MRTFA: variants seen among roughly 807,000 people sequenced by gnomAD.
The protein encoded by MRTFA is myocardin-related transcription factor A.
Under a neutral mutation model 83.5 loss-of-function variants are expected in MRTFA, and 20 were observed. That is an observed-to-expected ratio of 0.24 (90% confidence interval 0.17 to 0.35). MRTFA has a LOEUF of 0.35. Among genes scored for constraint, MRTFA ranks in the 10% least tolerant of loss-of-function variants. The pLI is 1.00. For synonymous variants in MRTFA, 659 were observed against 541.2 expected (o/e 1.22, Z -3.02); for missense variants, 1,200 against 1,224.7 (o/e 0.98, Z 0.30).
At chr22:40,457,121 T>G (rs2053597842) in intron 4 of MRTFA, among the ~76,000 whole-genome samples, 2 of 152,108 alleles carry the variant, frequency 1.3e-5, no homozygotes. Context: ...TCCCAGCACT[T>G]TGGGAGGCTG....
At position 40,416,541 on chromosome 22, in the gene MRTFA, T is replaced by C. The variant is rs1305895231; in HGVS notation, c.2578+445A>G. 2.0e-5 allele frequency among the ~76,000 whole-genome samples: 3 copies of C among 152,108 alleles called. No homozygotes were observed. Among genetic ancestry groups the C allele is most frequent in the African/African-American group, 7.2e-5 (3 of 41,406 alleles). The stretch of plus-strand genomic sequence containing the variant: ...CTCAACTCCACTCCAACCCGCCAGG[T>C]ACTCCCGAGGCCGCACAGATGCACA... On this transcript the variant is annotated intron_variant, in intron 14 of 14. Transcript: ENST00000355630. The surrounding 1 kb of genome is among the most constrained non-coding windows in gnomAD (Gnocchi z 4.2).
intron 3 of MRTFA, among the ~76,000 whole-genome samples, chr22:40,466,526 A>G (rs961171773): frequency 1.3e-5 from 2 of 152,234 alleles, no homozygotes; most frequent in Non-Finnish European, 2.9e-5. Flanking sequence ...AGGAGAGCCA[A>G]GCAGGATAAA....
chr22:40,619,889 C>CA (rs1213944103), intron 1 of MRTFA, among the ~76,000 whole-genome samples: 844 of 51,992 alleles, frequency 0.016, 6 homozygotes, highest in Non-Finnish European at 0.022. Context: ...AACTCCGTCT[C>CA]AAAAAAAAAA....
chr22:40,453,028 G>GA (rs2053523886), intron 4 of MRTFA, among the ~76,000 whole-genome samples: 1 of 152,152 alleles, frequency 6.6e-6, no homozygotes, highest in African/African-American at 2.4e-5. Context: ...AACAGCAGAA[G>GA]CGAGACAAGG....
At chr22:40,422,309 T>C (rs1354807966) in intron 9 of MRTFA, among the ~76,000 whole-genome samples, 1 of 152,106 alleles carries the variant, frequency 6.6e-6, no homozygotes, top group African/African-American at 2.4e-5. Context: ...CCCCTGAAGA[T>C]AATGTTTCAG....
At chr22:40,536,266 A>C (rs1203156194) in intron 3 of MRTFA, among the ~76,000 whole-genome samples, 1 of 152,092 alleles carries the variant, frequency 6.6e-6, no homozygotes, top group Non-Finnish European at 1.5e-5. Context: ...TCACCCCACT[A>C]AACTCCAGCC....
chr22:40,573,252 T>C (rs1042882937), intron 2 of MRTFA, among the ~76,000 whole-genome samples: 3 of 152,164 alleles, frequency 2.0e-5, no homozygotes, highest in Non-Finnish European at 4.4e-5. Context: ...TTGGTCTTTT[T>C]TTTGTTTTGC....
At chr22:40,601,001 A>C (rs1317134799) in intron 1 of MRTFA, among the ~76,000 whole-genome samples, 2 of 152,134 alleles carry the variant, frequency 1.3e-5, no homozygotes, top group East Asian at 3.9e-4. Flanking sequence ...AACAAAACAA[A>C]AAAACTACAA....
chr22:40,477,654 A>G (rs1167730715), intron 3 of MRTFA, among the ~76,000 whole-genome samples: 2 of 152,096 alleles, frequency 1.3e-5, no homozygotes, highest in Non-Finnish European at 2.9e-5. Context: ...TAAAAACTGT[A>G]AGTAATCTGG....
At chr22:40,627,101 C>T (rs1381549144) in intron 1 of MRTFA, among the ~76,000 whole-genome samples, 1 of 145,236 alleles carries the variant, frequency 6.9e-6, no homozygotes, top group African/African-American at 2.5e-5. Flanking sequence ...GAAACACTGA[C>T]AAAAAAAAAA....
intron 4 of MRTFA, among the ~76,000 whole-genome samples, chr22:40,447,516 A>G (rs562511049): frequency 4.6e-5 from 7 of 152,180 alleles, no homozygotes; most frequent in Non-Finnish European, 8.8e-5. Flanking sequence ...CCAGGGTGGC[A>G]GAAAACAAGA....
In MRTFA at chr22:40,416,535, G is replaced by A. The variant is rs1444039889; in HGVS notation, c.2578+451C>T. ...CCTTTCCTCAACTCCACTCCAACCC[G>A]CCAGGTACTCCCGAGGCCGCACAGA... On this transcript the variant is annotated intron_variant, in intron 14 of 14. Coordinates refer to ENST00000355630, the MANE Select transcript of MRTFA (RefSeq NM_020831.6). The surrounding 1 kb of genome is among the most constrained non-coding windows in gnomAD (Gnocchi z 4.2). Among the ~76,000 whole-genome samples the A allele has an allele frequency of 1.3e-5, 2 of 152,124 alleles. No individual in the cohort carries two copies. Among genetic ancestry groups the A allele is most frequent in the African/African-American group, 2.4e-5 (1 of 41,430 alleles).
chr22:40,631,298 C>T (rs143696254), intron 1 of MRTFA, among the ~76,000 whole-genome samples: 52 of 152,250 alleles, frequency 3.4e-4, no homozygotes, highest in African/African-American at 1.2e-3. Context: ...GTCAGTTCTA[C>T]GCTACTGCCC....
chr22:40,480,810 G>A (rs373918382), intron 3 of MRTFA, among the ~76,000 whole-genome samples: 8 of 146,158 alleles, frequency 5.5e-5, no homozygotes, highest in African/African-American at 7.7e-5. Context: ...GTGCAGTGGC[G>A]CGATCTCCGC....
intron 3 of MRTFA, among the ~76,000 whole-genome samples, chr22:40,481,576 CA>C (rs983818690): frequency 1.1e-4 from 16 of 152,096 alleles, no homozygotes; most frequent in East Asian, 9.7e-4. Flanking sequence ...CAGAGAGTGA[CA>C]GGGGTGGTGA....
At chr22:40,532,737 G>A (rs2055104591) in intron 3 of MRTFA, among the ~76,000 whole-genome samples, 1 of 152,188 alleles carries the variant, frequency 6.6e-6, no homozygotes, top group Non-Finnish European at 1.5e-5. Context: ...TTCTGCCAGA[G>A]ACAGTATCTG....
chr22:40,502,461 T>C (rs1602347879), intron 3 of MRTFA, among the ~76,000 whole-genome samples: 1 of 108,116 alleles, frequency 9.2e-6, no homozygotes, highest in Admixed American at 8.9e-5. Context: ...TCTCAGACGA[T>C]GGGCGGCCGG....
At chr22:40,479,904 G>A (rs1274188315) in intron 3 of MRTFA, among the ~76,000 whole-genome samples, 1 of 152,106 alleles carries the variant, frequency 6.6e-6, no homozygotes, top group Admixed American at 6.5e-5. Context: ...TAATGAAGTA[G>A]GTTCCTGGGC....
intron 3 of MRTFA, among the ~76,000 whole-genome samples, chr22:40,465,865 C>T (rs1031167813): frequency 6.6e-6 from 1 of 152,042 alleles, no homozygotes; most frequent in African/African-American, 2.4e-5. Context: ...TATGCCTGGC[C>T]AAGATAGGTA....
Sources: allele counts gnomAD v4.1 joint callset (sites outside exome capture counted in the v4.1 genomes callset), GRCh38; gene constraint gnomAD v4.1.1; non-coding constraint Gnocchi (gnomAD v3.1); transcripts MANE v1.5; gene names NCBI Gene and HGNC (gene_info 2026-07-23, HGNC 2026-07-21).